NOX4: variants seen among roughly 807,000 people sequenced by gnomAD.
NOX4 encodes the protein NADPH oxidase 4.
A neutral mutation model predicts 87.6 loss-of-function variants in NOX4; 69 were observed. That is an observed-to-expected ratio of 0.79 (90% CI 0.65 to 0.96). The LOEUF is 0.96. Among genes scored for constraint, NOX4 ranks in the 40% least tolerant of loss-of-function variants. The pLI is 0.00. For missense variants in NOX4, 680 were observed against 681.5 expected (o/e 1.00, Z 0.02); for synonymous variants, 275 against 238.2 (o/e 1.15, Z -1.42).
Position 89,355,012 on chromosome 11 carries a change from A to G in NOX4, c.1167T>C (p.Ser389=), listed in dbSNP as rs1177024542. 2 of 1,603,400 alleles carry G rather than the reference A, an allele frequency of 1.2e-6. No homozygotes were observed. The highest frequency in any genetic ancestry group is 4.5e-5 in the East Asian group (2 of 44,574). Residue 389 remains serine, a synonymous_variant, in exon 13 of 18, where the codon TCT becomes TCC. Transcript: ENST00000263317. ...AGGGCAGAATTTCGGAGTCTTGACTAGATGGAGGCAGTAGTAAATCTCGAA... is the reference window on the plus strand; with the variant it reads ...AGGGCAGAATTTCGGAGTCTTGACTGGATGGAGGCAGTAGTAAATCTCGAA... ...ERFRDLLLPP[S]SQDSEILPFI... is the part of the protein sequence containing the mutation.
At chr11:89,396,907 C>T (rs1941532036) in intron 11 of NOX4, among the ~76,000 whole-genome samples, 1 of 152,068 alleles carries the variant, frequency 6.6e-6, no homozygotes, top group Non-Finnish European at 1.5e-5. Flanking sequence ...TTAGACAGAT[C>T]AATGAGACAG....
the NOX4 span, among the ~76,000 whole-genome samples, chr11:89,510,780 C>T: frequency 8.5e-5 from 13 of 152,146 alleles, no homozygotes; most frequent in African/African-American, 3.1e-4. Context: ...ATGCATATTA[C>T]TTGAGAAATA....
chr11:89,587,173 C>T, the NOX4 span, among the ~76,000 whole-genome samples: 1 of 151,970 alleles, frequency 6.6e-6, no homozygotes, highest in Non-Finnish European at 1.5e-5. Flanking sequence ...GAATTCAAGA[C>T]AAATGCCAGA....
rs548207603 is a variant in NOX4, at chr11:89,357,423, C to A, written c.1136-2380G>T. Among the ~76,000 whole-genome samples the A allele has an allele frequency of 2.6e-5, 4 of 152,160 alleles. No homozygotes were observed. The East Asian group carries it at 7.7e-4, about 29-fold the overall frequency. ...GGCTGATATTACTCTGTTTAATTTA[C>A]AAAATTAACATTTCTTTCAATCAAA... is the stretch of plus-strand genomic sequence containing the variant. On this transcript the variant is annotated intron_variant, in intron 12 of 17. Coordinates refer to ENST00000263317, the MANE Select transcript of NOX4 (RefSeq NM_016931.5).
chr11:89,588,078 A>G, the NOX4 span, among the ~76,000 whole-genome samples: 1 of 152,184 alleles, frequency 6.6e-6, no homozygotes, highest in South Asian at 2.1e-4. Context: ...TTTTCTCAGT[A>G]GTGAATAAAT....
At chr11:89,425,589 G>A (rs2135281478) in intron 7 of NOX4, among the ~76,000 whole-genome samples, 1 of 151,944 alleles carries the variant, frequency 6.6e-6, no homozygotes, top group Non-Finnish European at 1.5e-5. Flanking sequence ...TAAATTAAAA[G>A]TAATACTCTA....
chr11:89,424,911 A>C (rs947173014), intron 7 of NOX4, among the ~76,000 whole-genome samples: 2 of 152,150 alleles, frequency 1.3e-5, no homozygotes, highest in Admixed American at 1.3e-4. Flanking sequence ...GATTCATTTA[A>C]GAATTTCATG....
chr11:89,570,855 T>C, the NOX4 span, among the ~76,000 whole-genome samples: 7 of 152,340 alleles, frequency 4.6e-5, no homozygotes, highest in African/African-American at 9.6e-5. Flanking sequence ...GTATGGTTTA[T>C]TGTGTATGGC....
intron 2 of NOX4, among the ~76,000 whole-genome samples, chr11:89,479,128 A>T (rs1037450551): frequency 1.3e-5 from 2 of 152,038 alleles, no homozygotes; most frequent in East Asian, 3.9e-4. Context: ...CAACTTTCTC[A>T]TCTTATGAGA....
At chr11:89,358,299 T>C (rs928659676) in intron 12 of NOX4, among the ~76,000 whole-genome samples, 10 of 144,902 alleles carry the variant, frequency 6.9e-5, no homozygotes, top group African/African-American at 2.3e-4. Flanking sequence ...GGCAGGAGAA[T>C]CACTTGAACC....
intron 2 of NOX4, among the ~76,000 whole-genome samples, chr11:89,455,919 G>A (rs187064975): frequency 1.3e-5 from 2 of 152,118 alleles, no homozygotes; most frequent in East Asian, 3.9e-4. Context: ...GCTGAGAAGA[G>A]TAGTGGGAAG....
intron 5 of NOX4, among the ~76,000 whole-genome samples, chr11:89,441,147 G>C (rs1444331814): frequency 6.6e-6 from 1 of 152,126 alleles, no homozygotes; most frequent in Non-Finnish European, 1.5e-5. Context: ...AAATATGTAG[G>C]GGATTTGCGC....
At chr11:89,336,302 CT>C (rs1258230688) in intron 16 of NOX4, among the ~76,000 whole-genome samples, 1 of 151,880 alleles carries the variant, frequency 6.6e-6, no homozygotes, top group African/African-American at 2.4e-5. Context: ...GTTGTTTCAT[CT>C]TTAAAGAACT....
At chr11:89,430,652 G>T (rs1943727489) in intron 7 of NOX4, among the ~76,000 whole-genome samples, 2 of 152,164 alleles carry the variant, frequency 1.3e-5, no homozygotes, top group Non-Finnish European at 2.9e-5. Context: ...TACAAGGGAT[G>T]TGAAGGACTT....
intron 7 of NOX4, among the ~76,000 whole-genome samples, chr11:89,425,176 T>C (rs1017463897): frequency 3.3e-5 from 5 of 152,028 alleles, no homozygotes; most frequent in African/African-American, 4.8e-5. Flanking sequence ...GGTTTTTTAA[T>C]GATTCCTCTA....
At chr11:89,426,384 T>C (rs1390744316) in intron 7 of NOX4, among the ~76,000 whole-genome samples, 3 of 151,794 alleles carry the variant, frequency 2.0e-5, no homozygotes, top group Non-Finnish European at 4.4e-5. Flanking sequence ...TACAGGACAG[T>C]GGGTACAGCC....
intron 6 of NOX4, among the ~76,000 whole-genome samples, chr11:89,437,944 G>T (rs111715446): frequency 6.6e-6 from 1 of 151,824 alleles, no homozygotes; most frequent in Non-Finnish European, 1.5e-5. Context: ...AGGCAGTAGC[G>T]AGACGGTATG....
chr11:89,556,998 C>A, the NOX4 span: 1 of 152,116 alleles, frequency 6.6e-6, no homozygotes, highest in Non-Finnish European at 1.5e-5. Flanking sequence ...ATTACCATGA[C>A]AACCAGTAGC....
intron 12 of NOX4, among the ~76,000 whole-genome samples, chr11:89,365,889 G>A (rs1938944803): frequency 6.6e-6 from 1 of 151,918 alleles, no homozygotes; most frequent in South Asian, 2.1e-4. Flanking sequence ...GCCATGTAGT[G>A]AGTCTTCTCT....
Sources: gnomAD v4.1 joint callset for allele counts (sites outside exome capture counted in the v4.1 genomes callset) on GRCh38, gnomAD v4.1.1 for gene constraint, MANE v1.5 for transcripts, NCBI Gene and HGNC (gene_info 2026-07-23, HGNC 2026-07-21) for gene names.